The following DCDC2C variants were observed in gnomAD, a reference collection of about 807,000 sequenced individuals.
DCDC2C encodes the protein doublecortin domain-containing protein 2C.
In DCDC2C, 44 loss-of-function variants were observed where a neutral mutation model predicts 45.0. The ratio of observed to expected loss-of-function variants is 0.98; its 90% CI spans 0.77 to 1.26. The LOEUF is 1.26. Among genes scored for constraint, DCDC2C ranks in the 50% most tolerant of loss-of-function variants. The pLI is 0.00. For synonymous variants in DCDC2C, 187 were observed against 178.8 expected (o/e 1.05, Z -0.37); for missense variants, 447 against 468.9 (o/e 0.95, Z 0.43).
At chr2:3,819,682 G>A (rs1051568016) in intron 10 of DCDC2C, among the ~76,000 whole-genome samples, 1 of 152,210 alleles carries the variant, frequency 6.6e-6, no homozygotes, top group African/African-American at 2.4e-5. Flanking sequence ...GCTGCCAAAC[G>A]AGCCATGAAC....
At chr2:3,741,831 C>T in intron 3 of DCDC2C, 89 bp from the exon 4 acceptor site, 2 of 1,347,276 alleles carry the variant, frequency 1.5e-6, no homozygotes, top group Non-Finnish European at 1.0e-6. Flanking sequence ...ATTGTTTTTA[C>T]AGTTCTGTAA....
chr2:3,771,618 T>C (rs1314622921), intron 8 of DCDC2C, among the ~76,000 whole-genome samples: 1 of 152,262 alleles, frequency 6.6e-6, no homozygotes, highest in Non-Finnish European at 1.5e-5. Context: ...AGACCTTGCC[T>C]GTGTGCCGTT....
At chr2:3,726,554 A>T (rs1057103073) in intron 2 of DCDC2C, among the ~76,000 whole-genome samples, 1 of 152,188 alleles carries the variant, frequency 6.6e-6, no homozygotes, top group African/African-American at 2.4e-5. Flanking sequence ...CCTCCTGGCC[A>T]GGACATTCTG....
chr2:3,754,649 A>C lies in DCDC2C; in HGVS notation c.726+15A>C. The C allele has an allele frequency of 6.5e-7, 1 of 1,547,142 alleles. No individual in the cohort carries two copies. The highest frequency in any genetic ancestry group is 8.7e-7 in the Non-Finnish European group (1 of 1,144,308). On this transcript the variant is annotated intron_variant, in intron 6 of 10. Coordinates refer to ENST00000399143, the MANE Select transcript of DCDC2C (RefSeq NM_001287444.2). ...GAAAGAAAAAAGTAAGTAACTTTTTAAAACAAGTAAGTAACTTGTTTCTGA... is the reference window on the plus strand; with the variant it reads ...GAAAGAAAAAAGTAAGTAACTTTTTCAAACAAGTAAGTAACTTGTTTCTGA...
intron 6 of DCDC2C, among the ~76,000 whole-genome samples, chr2:3,754,864 A>G (rs1669644613): frequency 6.6e-6 from 1 of 152,216 alleles, no homozygotes; most frequent in South Asian, 2.1e-4. Flanking sequence ...GAGCTAAGAG[A>G]CACACATAGG....
chr2:3,845,258 A>AT (rs1252447713), intron 10 of DCDC2C, among the ~76,000 whole-genome samples: 1 of 152,188 alleles, frequency 6.6e-6, no homozygotes, highest in Non-Finnish European at 1.5e-5. Context: ...GCACTAAGAA[A>AT]TGTTGGCGAC....
chr2:3,837,677 AC>A, intron 10 of DCDC2C, among the ~76,000 whole-genome samples: 1 of 33,344 alleles, frequency 3.0e-5, no homozygotes, highest in Admixed American at 3.2e-4. Flanking sequence ...TAGTCTAGCA[AC>A]AATTTTGCTA....
At chr2:3,709,669 A>G (rs555282847) in intron 2 of DCDC2C, among the ~76,000 whole-genome samples, 1 of 152,370 alleles carries the variant, frequency 6.6e-6, no homozygotes, top group South Asian at 2.1e-4. Flanking sequence ...ATGATTTGTG[A>G]TCATCCTGAC....
At chr2:3,778,296 T>C (rs1439476670) in intron 8 of DCDC2C, among the ~76,000 whole-genome samples, 1 of 152,240 alleles carries the variant, frequency 6.6e-6, no homozygotes, top group Non-Finnish European at 1.5e-5. Flanking sequence ...AAGTTGGTCC[T>C]GGAGAGTCTT....
At chr2:3,794,097 T>C (rs551308789) in intron 10 of DCDC2C, among the ~76,000 whole-genome samples, 1 of 152,348 alleles carries the variant, frequency 6.6e-6, no homozygotes, top group Admixed American at 6.5e-5. Context: ...TAAAATCTAT[T>C]GTTATATTCT....
intron 10 of DCDC2C, among the ~76,000 whole-genome samples, chr2:3,826,499 T>A (rs571224986): frequency 7.9e-5 from 12 of 152,264 alleles, no homozygotes; most frequent in South Asian, 2.1e-4. Flanking sequence ...GCTTTTTTTT[T>A]TAAATTATGT....
intron 8 of DCDC2C, among the ~76,000 whole-genome samples, chr2:3,775,187 T>C (rs1447053084): frequency 9.1e-6 from 1 of 110,178 alleles, no homozygotes; most frequent in Non-Finnish European, 1.8e-5. Flanking sequence ...GCTAGGCAGC[T>C]GTGGCTCTGA....
rs186366825 is a variant in DCDC2C at position 3,734,087 on chromosome 2, G to A, written c.416+7008G>A. Among the ~76,000 whole-genome samples, 37 of 152,322 alleles carry A rather than the reference G, an allele frequency of 2.4e-4. No individual in the cohort carries two copies. The highest frequency in any genetic ancestry group is 8.2e-4 in the African/African-American group (34 of 41,566). On this transcript the variant is annotated intron_variant, in intron 3 of 10. Coordinates refer to ENST00000399143, the MANE Select transcript of DCDC2C (RefSeq NM_001287444.2). This position sits in a 1 kb window ranked among gnomAD's most constrained non-coding sequence, Gnocchi z 4.2. ...CCTCCAGAAGTTCTGCTATTTGACTGGGCTACCGGCTGCTGTCGTAAATCC... is the reference window on the plus strand; with the variant it reads ...CCTCCAGAAGTTCTGCTATTTGACTAGGCTACCGGCTGCTGTCGTAAATCC...
chr2:3,780,959 C>G (rs1001985145), intron 9 of DCDC2C, among the ~76,000 whole-genome samples: 3 of 152,210 alleles, frequency 2.0e-5, no homozygotes, highest in Non-Finnish European at 4.4e-5. Context: ...CTGTGTCCCT[C>G]GTAGATACCG....
intron 10 of DCDC2C, among the ~76,000 whole-genome samples, chr2:3,810,383 A>T (rs1671365865): frequency 6.6e-6 from 1 of 152,142 alleles, no homozygotes; most frequent in Non-Finnish European, 1.5e-5. Flanking sequence ...TAGCCACATA[A>T]ATGTCTTTCG....
At chr2:3,821,860 A>G (rs1307306915) in intron 10 of DCDC2C, among the ~76,000 whole-genome samples, 2 of 152,254 alleles carry the variant, frequency 1.3e-5, no homozygotes, top group African/African-American at 4.8e-5. Context: ...CATGCCATCA[A>G]AATGACCCTT....
At chr2:3,813,074 T>A (rs1362896748) in intron 10 of DCDC2C, among the ~76,000 whole-genome samples, 8,328 of 120,498 alleles carry the variant, frequency 0.069, 503 homozygotes, top group Non-Finnish European at 0.086. Context: ...TATATTTTTT[T>A]TTTTTTGCTG....
intron 3 of DCDC2C, among the ~76,000 whole-genome samples, chr2:3,736,259 A>G (rs931754810): frequency 1.3e-5 from 2 of 152,164 alleles, no homozygotes; most frequent in Non-Finnish European, 2.9e-5. Flanking sequence ...GGGTGGTAGG[A>G]CTGAGAAGGA....
intron 10 of DCDC2C, among the ~76,000 whole-genome samples, chr2:3,836,295 C>A (rs1052597338): frequency 2.0e-5 from 3 of 152,084 alleles, no homozygotes; most frequent in African/African-American, 7.2e-5. Flanking sequence ...AAATACCCAA[C>A]CAGTACTCCT....
Sources: allele counts gnomAD v4.1 joint callset (sites outside exome capture counted in the v4.1 genomes callset), GRCh38; gene constraint gnomAD v4.1.1; non-coding constraint Gnocchi (gnomAD v3.1); transcripts MANE v1.5; gene names NCBI Gene and HGNC (gene_info 2026-07-23, HGNC 2026-07-21).